ARID4B: variants seen among roughly 807,000 people sequenced by gnomAD.
ARID4B encodes AT-rich interactive domain-containing protein 4B.
A neutral mutation model predicts 147.5 loss-of-function variants in ARID4B; 26 were observed. That is an observed-to-expected ratio of 0.18 (90% CI 0.13 to 0.24). The LOEUF (loss-of-function observed/expected upper bound fraction) is 0.24, where lower values mean the gene tolerates loss of function less well. ARID4B is among the 10% of genes least tolerant of loss of function. The probability of loss-of-function intolerance (pLI) is 1.00; values close to 1 mark genes in which losing one functional copy is unlikely to be tolerated. For missense variants in ARID4B, 1,179 were observed against 1,511.5 expected (o/e 0.78, Z 3.65); for synonymous variants, 512 against 507.9 (o/e 1.01, Z -0.11).
intron 11 of ARID4B, 94 bp downstream of exon 11, chr1:235,229,137 T>TTA: frequency 7.3e-7 from 1 of 1,364,068 alleles, no homozygotes; most frequent in South Asian, 1.4e-5. Context: ...CTAAAAATAC[T>TTA]TATATGAGTA....
At chr1:235,282,264 A>G (rs1671712597) in intron 2 of ARID4B, among the ~76,000 whole-genome samples, 1 of 152,210 alleles carries the variant, frequency 6.6e-6, no homozygotes, top group Admixed American at 6.5e-5. Flanking sequence ...AAGTTTTTAC[A>G]TGGTCTCAGA....
intron 2 of ARID4B, among the ~76,000 whole-genome samples, chr1:235,269,276 A>G (rs1438685054): frequency 6.6e-6 from 1 of 152,258 alleles, no homozygotes; most frequent in African/African-American, 2.4e-5. Flanking sequence ...TTTGGCAACC[A>G]TCATAAAGGT....
intron 2 of ARID4B, among the ~76,000 whole-genome samples, chr1:235,321,641 G>A (rs770254324): frequency 3.3e-5 from 5 of 151,816 alleles, no homozygotes; most frequent in Non-Finnish European, 5.9e-5. Flanking sequence ...ACAGGCGCCC[G>A]CTACCAAGCC....
rs139298439 is a variant in ARID4B at position 235,206,269 on chromosome 1, C to T, written c.1841+7500G>A. On this transcript the variant is annotated intron_variant, in intron 17 of 23. Coordinates refer to ENST00000264183, the MANE Select transcript of ARID4B (RefSeq NM_016374.6). The stretch of plus-strand genomic sequence containing the variant: ...AGTTCACTTTTGTAATAATACATAA[C>T]GTAGTCCTAATGTAGAAAGCTTGAA... Among the ~76,000 whole-genome samples, 194 of 151,840 alleles carry T rather than the reference C, an allele frequency of 1.3e-3. 1 individual carries two copies. Among genetic ancestry groups the T allele is most frequent in the African/African-American group, 4.6e-3 (189 of 41,384 alleles).
intron 5 of ARID4B, among the ~76,000 whole-genome samples, chr1:235,254,005 T>A (rs535596920): frequency 6.6e-6 from 1 of 152,268 alleles, no homozygotes; most frequent in South Asian, 2.1e-4. Context: ...TTACATTATG[T>A]GAAACTGGAT....
At chr1:235,233,227 C>T (rs984788034) in intron 9 of ARID4B, among the ~76,000 whole-genome samples, 4 of 152,070 alleles carry the variant, frequency 2.6e-5, no homozygotes, top group South Asian at 2.1e-4. Context: ...GCATTTGGAT[C>T]GCTTGAGCTG....
chr1:235,297,431 T>C (rs1159331146), intron 2 of ARID4B, among the ~76,000 whole-genome samples: 1 of 152,120 alleles, frequency 6.6e-6, no homozygotes, highest in Non-Finnish European at 1.5e-5. Context: ...AGACAGTAAA[T>C]ACATGAAATA....
intron 2 of ARID4B, among the ~76,000 whole-genome samples, chr1:235,273,522 C>T (rs1671123952): frequency 6.6e-6 from 1 of 152,158 alleles, no homozygotes; most frequent in Admixed American, 6.5e-5. Flanking sequence ...AATTAAACTA[C>T]GATATACCAT....
chr1:235,213,753 C>G lies in ARID4B; in HGVS notation c.1841+16G>C. The G allele has an allele frequency of 6.2e-7, 1 of 1,601,024 alleles. No individual in the cohort carries two copies. Among genetic ancestry groups the G allele is most frequent in the South Asian group, 1.1e-5 (1 of 89,210 alleles). On this transcript the variant is annotated intron_variant, in intron 17 of 23. Coordinates refer to ENST00000264183, the MANE Select transcript of ARID4B (RefSeq NM_016374.6). ...ATTGTTTTTAGGTAATAATCACTAGCTAAAACTCAAGTTACCTCACATTCC... is the reference window on the plus strand; with the variant it reads ...ATTGTTTTTAGGTAATAATCACTAGGTAAAACTCAAGTTACCTCACATTCC...
At chr1:235,248,293 G>C (rs1669428430) in intron 6 of ARID4B, among the ~76,000 whole-genome samples, 1 of 152,048 alleles carries the variant, frequency 6.6e-6, no homozygotes, top group South Asian at 2.1e-4. Context: ...CAAGCCATCT[G>C]CCCAACTCGG....
intron 19 of ARID4B, among the ~76,000 whole-genome samples, chr1:235,188,802 G>A (rs1302790823): frequency 6.6e-6 from 1 of 152,042 alleles, no homozygotes; most frequent in Non-Finnish European, 1.5e-5. Flanking sequence ...TGGCCAACCA[G>A]ATCACCCGAT....
At chr1:235,299,993 C>T (rs998661691) in intron 2 of ARID4B, among the ~76,000 whole-genome samples, 2 of 152,158 alleles carry the variant, frequency 1.3e-5, no homozygotes, top group Non-Finnish European at 2.9e-5. Flanking sequence ...AACACTGTCC[C>T]TCTACCCACA....
chr1:235,213,695 T>C, intron 17 of ARID4B, 74 bp downstream of exon 17: 1 of 1,450,344 alleles, frequency 6.9e-7, no homozygotes, highest in South Asian at 1.4e-5. Flanking sequence ...TGTAATCCAT[T>C]ACTTAAGTTT....
rs780839339 is a variant in ARID4B at position 235,301,038 on chromosome 1, C to CTT, written c.6+25874_6+25875dup. 3.2e-3 allele frequency among the ~76,000 whole-genome samples: 354 copies of CTT among 112,222 alleles called. 12 individuals are homozygous for CTT. The highest frequency in any genetic ancestry group is 0.011 in the African/African-American group (301 of 27,342). 73.6% of individuals were successfully genotyped at this position (112,222 alleles called of 152,430 possible). A position where few individuals can be genotyped will look rare whatever the true frequency, so the allele number is the denominator to read the frequency against. On this transcript the variant is annotated intron_variant, in intron 2 of 23. Coordinates refer to ENST00000264183, the MANE Select transcript of ARID4B (RefSeq NM_016374.6). The stretch of plus-strand genomic sequence containing the variant: ...CCAACAATACATTTTTTTAAGTATT[C>CTT]TTTTTTTTTTTTTTTTTTTTTTTTT...
At chr1:235,240,008 T>C (rs1210663421) in intron 8 of ARID4B, among the ~76,000 whole-genome samples, 3 of 152,146 alleles carry the variant, frequency 2.0e-5, no homozygotes, top group African/African-American at 4.8e-5. Flanking sequence ...TGTTGTTCTT[T>C]TGCAATCTAG....
At chr1:235,204,555 T>C (rs1666181962) in intron 17 of ARID4B, among the ~76,000 whole-genome samples, 1 of 152,172 alleles carries the variant, frequency 6.6e-6, no homozygotes, top group African/African-American at 2.4e-5. Context: ...TCCTAAGCAA[T>C]GTAACGCTAT....
At position 235,275,014 on chromosome 1, in the gene ARID4B, T is replaced by C. The variant is rs561432689; in HGVS notation, c.7-14262A>G. ...AATTTTGTGTGTGTGTGTGTGTGTG[T>C]GTGTGTGTGCACGCGCGCAGACCGC... On this transcript the variant is annotated intron_variant, in intron 2 of 23. Coordinates refer to ENST00000264183, the MANE Select transcript of ARID4B (RefSeq NM_016374.6). Among the ~76,000 whole-genome samples the C allele has an allele frequency of 5.9e-5, 9 of 152,112 alleles. No homozygotes were observed. The South Asian group carries it at 1.9e-3, about 32-fold the overall frequency.
At chr1:235,183,527 A>C (rs1664466329) in intron 19 of ARID4B, among the ~76,000 whole-genome samples, 1 of 151,946 alleles carries the variant, frequency 6.6e-6, no homozygotes, top group African/African-American at 2.4e-5. Flanking sequence ...TACTCTTATG[A>C]AACTATAGCC....
intron 17 of ARID4B, among the ~76,000 whole-genome samples, chr1:235,209,556 G>GTTT (rs547505296): frequency 2.7e-5 from 4 of 147,036 alleles, no homozygotes; most frequent in African/African-American, 7.7e-5. Flanking sequence ...TGATTTTTTT[G>GTTT]TTTTTTGTTT....
Sources: allele counts gnomAD v4.1 joint callset (sites outside exome capture counted in the v4.1 genomes callset), GRCh38; gene constraint gnomAD v4.1.1; transcripts MANE v1.5; gene names NCBI Gene and HGNC (gene_info 2026-07-23, HGNC 2026-07-21).